Variants in SYT2 observed in about 807,000 individuals in gnomAD.
The protein encoded by SYT2 is synaptotagmin-2.
Under a neutral mutation model 39.9 loss-of-function variants are expected in SYT2, and 15 were observed. The ratio of observed to expected loss-of-function variants is 0.38; its 90% CI spans 0.25 to 0.58. The LOEUF (loss-of-function observed/expected upper bound fraction) is 0.58. Ranked by LOEUF, SYT2 falls within the 20% of genes least tolerant of loss-of-function variation. SYT2 has a pLI of 0.70. For missense variants in SYT2, 389 were observed against 530.3 expected, an observed-to-expected ratio of 0.73 and a Z score of 2.62; for synonymous variants, 181 against 204.5, an observed-to-expected ratio of 0.89 and a Z score of 0.98.
At chr1:202,603,989 TTATGA>T (rs532009048) in intron 3 of SYT2, among the ~76,000 whole-genome samples, 359 of 152,196 alleles carry the variant, frequency 2.4e-3, no homozygotes, top group Non-Finnish European at 4.1e-3. Context: ...GGAAAATAAA[TTATGA>T]TATGATTAAT....
intron 1 of SYT2, among the ~76,000 whole-genome samples, chr1:202,631,000 G>C (rs555793879): frequency 4.6e-5 from 7 of 152,150 alleles, no homozygotes; most frequent in Non-Finnish European, 8.8e-5. Flanking sequence ...CACGGCATTC[G>C]GCAGCTGCAG....
At chr1:202,666,635 C>T (rs1692486367) in intron 1 of SYT2, among the ~76,000 whole-genome samples, 3 of 152,146 alleles carry the variant, frequency 2.0e-5, no homozygotes, top group Admixed American at 2.0e-4. Context: ...ATGTGCTTAC[C>T]ATGGTGAGTC....
intron 8 of SYT2, among the ~76,000 whole-genome samples, chr1:202,598,646 G>T: frequency 6.9e-6 from 1 of 144,294 alleles, no homozygotes; most frequent in African/African-American, 2.5e-5. Flanking sequence ...TGGGTGGGTG[G>T]GTCTCTTGTC....
intron 8 of SYT2, 95 bp from the exon 9 acceptor site, chr1:202,597,058 A>AGT: frequency 8.8e-7 from 1 of 1,134,676 alleles, no homozygotes; most frequent in Non-Finnish European, 1.3e-6. Flanking sequence ...AATGATTGGG[A>AGT]AGGTAAGGCC....
rs534941728 is a variant in SYT2, at chr1:202,642,224, G to A, written c.-17-36435C>T. 7.2e-5 allele frequency among the ~76,000 whole-genome samples: 11 copies of A among 152,210 alleles called. No homozygotes were observed. The East Asian group carries it at 1.2e-3, about 16-fold the overall frequency. On this transcript the variant is annotated intron_variant, in intron 1 of 8. Coordinates refer to ENST00000367268, the MANE Select transcript of SYT2 (RefSeq NM_177402.5). ...TTTCGGACTCTCCCTGGGGCGCTGC[G>A]TTCACAGCTCCACTTTGACACCCCC...
intron 1 of SYT2, among the ~76,000 whole-genome samples, chr1:202,662,851 T>C (rs1224965740): frequency 1.3e-5 from 2 of 152,126 alleles, no homozygotes; most frequent in African/African-American, 4.8e-5. Flanking sequence ...GGATTAAAAA[T>C]AATGTGTACA....
Position 202,601,752 on chromosome 1 carries a change from C to T in SYT2, c.801+138G>A, listed in dbSNP as rs1558422995. ...TGTAAGCAACTTGCCCAGGGTCACA[C>T]AGCCAGGCAGTGTGGAGCTGGGATC... is the stretch of plus-strand genomic sequence containing the variant. On this transcript the variant is annotated intron_variant, in intron 6 of 8. Coordinates refer to ENST00000367268, the MANE Select transcript of SYT2 (RefSeq NM_177402.5). This position sits in a 1 kb window ranked among gnomAD's most constrained non-coding sequence, Gnocchi z 4.0. 3 of 913,606 alleles carry T rather than the reference C, an allele frequency of 3.3e-6. No homozygotes were observed. Among genetic ancestry groups the T allele is most frequent in the South Asian group, 3.3e-5 (2 of 59,764 alleles). 56.6% of individuals were successfully genotyped at this position (913,606 alleles called of 1,614,324 possible).
chr1:202,694,053 G>C (rs1467956400), intron 1 of SYT2, among the ~76,000 whole-genome samples: 1 of 152,150 alleles, frequency 6.6e-6, no homozygotes, highest in Non-Finnish European at 1.5e-5. Flanking sequence ...ACCACGAGGA[G>C]GACACCAAGC....
chr1:202,671,126 C>A (rs1332275660), intron 1 of SYT2, among the ~76,000 whole-genome samples: 1 of 152,236 alleles, frequency 6.6e-6, no homozygotes, highest in Non-Finnish European at 1.5e-5. Context: ...GCCTTCAACC[C>A]CTGTGAGGGG....
intron 1 of SYT2, chr1:202,627,655 T>C (rs1035646652): frequency 2.0e-6 from 2 of 984,058 alleles, no homozygotes; most frequent in African/African-American, 3.5e-5. Flanking sequence ...CTTCCCTGGT[T>C]AATGAGGGTT....
intron 8 of SYT2, among the ~76,000 whole-genome samples, chr1:202,598,599 A>C (rs1194488687): frequency 7.1e-6 from 1 of 141,322 alleles, no homozygotes; most frequent in Admixed American, 6.9e-5. Flanking sequence ...ACCACTCTGC[A>C]AGCCCCCAGC....
At chr1:202,641,677 A>T (rs1691920426) in intron 1 of SYT2, among the ~76,000 whole-genome samples, 1 of 152,246 alleles carries the variant, frequency 6.6e-6, no homozygotes, top group Admixed American at 6.5e-5. Flanking sequence ...ATTGTAGTGG[A>T]GATCTTTCTA....
At chr1:202,610,269 A>G (rs1382911010) in intron 1 of SYT2, among the ~76,000 whole-genome samples, 1 of 152,200 alleles carries the variant, frequency 6.6e-6, no homozygotes, top group Admixed American at 6.5e-5. Context: ...TACCAGTACC[A>G]TGCTGTTTTG....
intron 1 of SYT2, among the ~76,000 whole-genome samples, chr1:202,610,890 C>T (rs2149076366): frequency 6.6e-6 from 1 of 151,982 alleles, no homozygotes. Context: ...TGAAAATGGC[C>T]ATACTGCCCA....
chr1:202,608,426 G>A (rs1352039946), intron 1 of SYT2, among the ~76,000 whole-genome samples: 1 of 151,942 alleles, frequency 6.6e-6, no homozygotes, highest in Non-Finnish European at 1.5e-5. Flanking sequence ...ACAGGTGCAT[G>A]CCATCACACC....
chr1:202,693,830 T>C (rs1165888085), intron 1 of SYT2, among the ~76,000 whole-genome samples: 3 of 152,230 alleles, frequency 2.0e-5, no homozygotes, highest in African/African-American at 7.2e-5. Context: ...TTTTAAAAGA[T>C]GTTTAATTGG....
intron 1 of SYT2, among the ~76,000 whole-genome samples, chr1:202,685,732 C>A (rs953985225): frequency 4.6e-5 from 7 of 152,158 alleles, no homozygotes; most frequent in African/African-American, 1.7e-4. Flanking sequence ...TTTCAATCCA[C>A]ACTGAAGCAT....
At chr1:202,659,732 T>C (rs542956041) in intron 1 of SYT2, among the ~76,000 whole-genome samples, 1 of 152,296 alleles carries the variant, frequency 6.6e-6, no homozygotes, top group Non-Finnish European at 1.5e-5. Flanking sequence ...TGGGTCTCTC[T>C]TGGGCACAGA....
rs566668329 is a variant in SYT2, at chr1:202,592,231, G to C, written c.*4526C>G. ...TACTGGGATGCCAGATACCAGGCTGGACACTGCACCGGGCCCTGAGGTTTG... is the reference window on the plus strand; with the variant it reads ...TACTGGGATGCCAGATACCAGGCTGCACACTGCACCGGGCCCTGAGGTTTG... On this transcript the variant is annotated 3_prime_UTR_variant, in exon 9 of 9. Coordinates refer to ENST00000367268, the MANE Select transcript of SYT2 (RefSeq NM_177402.5). 6.5e-6 allele frequency: 1 copy of C among 152,776 alleles called. No homozygotes were observed. Among genetic ancestry groups the C allele is most frequent in the Non-Finnish European group, 1.5e-5 (1 of 68,116 alleles). 9.5% of individuals were successfully genotyped at this position (152,776 alleles called of 1,614,324 possible). A position where few individuals can be genotyped will look rare whatever the true frequency, so the allele number is the denominator to read the frequency against.
Sources: gnomAD v4.1 joint callset for allele counts (sites outside exome capture counted in the v4.1 genomes callset) on GRCh38, gnomAD v4.1.1 for gene constraint, Gnocchi (gnomAD v3.1) non-coding constraint, MANE v1.5 for transcripts, NCBI Gene and HGNC (gene_info 2026-07-23, HGNC 2026-07-21) for gene names.